The following LRRTM4 variants were observed in gnomAD, a reference collection of about 807,000 sequenced individuals.
LRRTM4 encodes the protein leucine-rich repeat transmembrane neuronal protein 4.
A neutral mutation model predicts 47.6 loss-of-function variants in LRRTM4; 25 were observed. That is an observed-to-expected ratio of 0.53 (90% confidence interval 0.38 to 0.73). LRRTM4 has a LOEUF of 0.73. Ranked by LOEUF, LRRTM4 falls within the 30% of genes least tolerant of loss-of-function variation. LRRTM4 has a pLI of 0.00. For missense variants in LRRTM4, 638 were observed against 713.4 expected (o/e 0.89, Z 1.20); for synonymous variants, 311 against 269.5 (o/e 1.15, Z -1.51).
intron 3 of LRRTM4, among the ~76,000 whole-genome samples, chr2:76,861,716 A>G (rs528899655): frequency 6.6e-6 from 1 of 152,308 alleles, no homozygotes; most frequent in East Asian, 1.9e-4. Context: ...GCAATAATCC[A>G]GATGTATCAG....
At chr2:77,038,121 T>TA (rs1036980433) in intron 3 of LRRTM4, among the ~76,000 whole-genome samples, 1 of 151,662 alleles carries the variant, frequency 6.6e-6, no homozygotes, top group Non-Finnish European at 1.5e-5. Flanking sequence ...GAATATCTAC[T>TA]ATATTTCCAA....
At chr2:76,939,029 A>G (rs1453426442) in intron 3 of LRRTM4, among the ~76,000 whole-genome samples, 1 of 152,044 alleles carries the variant, frequency 6.6e-6, no homozygotes, top group Non-Finnish European at 1.5e-5. Context: ...AAGTTAGGGG[A>G]ATCTAGAAAA....
chr2:77,366,404 T>C (rs1052902921), intron 3 of LRRTM4, among the ~76,000 whole-genome samples: 3 of 151,908 alleles, frequency 2.0e-5, no homozygotes, highest in Non-Finnish European at 4.4e-5. Context: ...ACTCAAATAC[T>C]TCAAGGCTTA....
intron 3 of LRRTM4, among the ~76,000 whole-genome samples, chr2:77,490,728 G>A (rs1312982491): frequency 6.6e-6 from 1 of 152,128 alleles, no homozygotes; most frequent in Non-Finnish European, 1.5e-5. Flanking sequence ...CACATCAACT[G>A]CCAGAGTTGC....
At chr2:76,788,054 ATGTTACTGT>A (rs1308699173) in intron 3 of LRRTM4, among the ~76,000 whole-genome samples, 1 of 152,164 alleles carries the variant, frequency 6.6e-6, no homozygotes, top group East Asian at 1.9e-4. Flanking sequence ...AGATGAATGA[ATGTTACTGT>A]TGTTACTATT....
At chr2:76,987,655 T>G (rs558687837) in intron 3 of LRRTM4, among the ~76,000 whole-genome samples, 1 of 151,932 alleles carries the variant, frequency 6.6e-6, no homozygotes, top group Non-Finnish European at 1.5e-5. Context: ...AAATGAGAGA[T>G]AAATGTATTT....
chr2:77,245,198 A>G (rs1386682681), intron 3 of LRRTM4, among the ~76,000 whole-genome samples: 7 of 112,518 alleles, frequency 6.2e-5, no homozygotes, highest in African/African-American at 2.1e-4. Flanking sequence ...GCAAGGAAAC[A>G]GATAGAAATA....
At chr2:77,029,276 A>G (rs574981520) in intron 3 of LRRTM4, among the ~76,000 whole-genome samples, 22 of 151,994 alleles carry the variant, frequency 1.4e-4, no homozygotes, top group Non-Finnish European at 2.5e-4. Flanking sequence ...CGATCACAAG[A>G]TGAAGTCCCA....
chr2:77,207,866 CTTTTTTTTT>C (rs754540782), intron 3 of LRRTM4, among the ~76,000 whole-genome samples: 5 of 42,594 alleles, frequency 1.2e-4, no homozygotes, highest in Admixed American at 7.5e-4. Context: ...GGGAAAGTGG[CTTTTTTTTT>C]TTTTTTTTTT....
Position 76,807,899 on chromosome 2 carries a change from ACTTTT to A in LRRTM4, c.1552-58988_1552-58984del, listed in dbSNP as rs1456384606. On this transcript the variant is annotated intron_variant, in intron 3 of 3. Transcript: ENST00000409884. ...CCCGGCCTATTTTCTTTTCTTCTTTACTTTTCTTTCTTTTCTTTCCTTTCTTTCCT... is the reference window on the plus strand; with the variant it reads ...CCCGGCCTATTTTCTTTTCTTCTTTACTTTCTTTTCTTTCCTTTCTTTCCT... Among the ~76,000 whole-genome samples the A allele has an allele frequency of 2.1e-5, 3 of 143,312 alleles. No individual in the cohort carries two copies. In the Admixed American group the frequency reaches 2.1e-4, roughly 10 times the overall value. The allele number at this position is 143,312 out of a possible 152,430, so 94.0% of individuals were successfully genotyped here.
Position 76,800,869 on chromosome 2 carries a change from G to A in LRRTM4, c.1552-51953C>T, listed in dbSNP as rs554168283. ...CATGAAAAAATGCTCATCATCACTG[G>A]CCATCAGAAAATGCAAATGAAAACC... On this transcript the variant is annotated intron_variant, in intron 3 of 3. Transcript: ENST00000409884. 4.0e-5 allele frequency among the ~76,000 whole-genome samples: 6 copies of A among 150,916 alleles called. No homozygotes were observed. The South Asian group carries it at 1.1e-3, about 27-fold the overall frequency.
chr2:77,265,297 T>C (rs969464061), intron 3 of LRRTM4, among the ~76,000 whole-genome samples: 1 of 152,118 alleles, frequency 6.6e-6, no homozygotes, highest in East Asian at 1.9e-4. Context: ...TTGTAAGCTA[T>C]CCCCAATACA....
At chr2:77,295,664 G>A (rs1676952150) in intron 3 of LRRTM4, among the ~76,000 whole-genome samples, 1 of 152,104 alleles carries the variant, frequency 6.6e-6, no homozygotes, top group Non-Finnish European at 1.5e-5. Context: ...TCTGAAGACT[G>A]AGAAAAGGAC....
At chr2:76,962,906 G>T (rs1363979826) in intron 3 of LRRTM4, among the ~76,000 whole-genome samples, 2 of 150,380 alleles carry the variant, frequency 1.3e-5, no homozygotes, top group African/African-American at 4.9e-5. Flanking sequence ...GCCAAAAGTT[G>T]ATTTAGAAAA....
intron 3 of LRRTM4, among the ~76,000 whole-genome samples, chr2:77,166,511 C>T (rs115400962): frequency 0.013 from 2,027 of 152,186 alleles, 62 homozygotes; most frequent in African/African-American, 0.046. Flanking sequence ...AATACTAAGC[C>T]ACAAGAACAA....
intron 3 of LRRTM4, among the ~76,000 whole-genome samples, chr2:76,908,932 A>G (rs983594179): frequency 6.6e-6 from 1 of 152,204 alleles, no homozygotes; most frequent in Non-Finnish European, 1.5e-5. Flanking sequence ...GGTAATTGAT[A>G]GATTCAATGC....
intron 3 of LRRTM4, among the ~76,000 whole-genome samples, chr2:77,046,183 T>C (rs1480275730): frequency 1.3e-5 from 2 of 151,962 alleles, no homozygotes. Flanking sequence ...AAACACTTCA[T>C]AGGTGTTCCT....
intron 3 of LRRTM4, among the ~76,000 whole-genome samples, chr2:76,856,531 CAATTA>C (rs1672155946): frequency 6.6e-6 from 1 of 151,932 alleles, no homozygotes; most frequent in African/African-American, 2.4e-5. Context: ...CTAGGAATCT[CAATTA>C]AAGAATTTAA....
chr2:77,438,127 T>C lies in LRRTM4; in HGVS notation c.1551+80191A>G, dbSNP rs552099720. On this transcript the variant is annotated intron_variant, in intron 3 of 3. Transcript: ENST00000409884. The stretch of plus-strand genomic sequence containing the variant: ...TTATTTACAAAGTATATCAAGAATA[T>C]TTACAAACCACATTGCCAAACTATG... Among the ~76,000 whole-genome samples the C allele has an allele frequency of 7.5e-4, 114 of 152,254 alleles. 1 individual carries two copies. Among genetic ancestry groups the C allele is most frequent in the African/African-American group, 2.7e-3 (112 of 41,562 alleles).
Sources: gnomAD v4.1 joint callset for allele counts (sites outside exome capture counted in the v4.1 genomes callset) on GRCh38, gnomAD v4.1.1 for gene constraint, MANE v1.5 for transcripts, NCBI Gene and HGNC (gene_info 2026-07-23, HGNC 2026-07-21) for gene names.